The following KCNK12 variants were observed in gnomAD, a reference collection of about 807,000 sequenced individuals.
KCNK12 encodes potassium two pore domain channel subfamily K member 12, also known as potassium channel subfamily K member 12.
Under a neutral mutation model 25.3 loss-of-function variants are expected in KCNK12, and 6 were observed. The ratio of observed to expected loss-of-function variants is 0.24; its 90% confidence interval spans 0.13 to 0.47. The LOEUF is 0.47. Ranked by LOEUF, KCNK12 falls within the 20% of genes least tolerant of loss-of-function variation. The probability of loss-of-function intolerance (pLI) is 0.99; values close to 1 mark genes in which losing one functional copy is unlikely to be tolerated. For synonymous variants in KCNK12, 331 were observed against 311.1 expected (o/e 1.06, Z -0.67); for missense variants, 444 against 661.7 (o/e 0.67, Z 3.61).
rs1311522644 is a variant in KCNK12, at chr2:47,514,431, G to C, written c.*6476C>G. On this transcript the variant is annotated 3_prime_UTR_variant, in exon 2 of 2. Coordinates refer to ENST00000327876, the MANE Select transcript of KCNK12 (RefSeq NM_022055.2). The surrounding 1 kb of genome is among the most constrained non-coding windows in gnomAD (Gnocchi z 5.0). Reference sequence around the variant, plus strand: ...TGTCTCTCCAGCCCCTAACACAGGGGATGCCTGACCCCAAACTAGACGAGT... The same window carrying C: ...TGTCTCTCCAGCCCCTAACACAGGGCATGCCTGACCCCAAACTAGACGAGT... Among the ~76,000 whole-genome samples the C allele has an allele frequency of 1.3e-5, 2 of 152,198 alleles. No individual in the cohort carries two copies. Among genetic ancestry groups the C allele is most frequent in the African/African-American group, 4.8e-5 (2 of 41,444 alleles).
Position 47,521,702 on chromosome 2 carries a change from C to T in KCNK12, c.498G>A (p.Glu166=). Residue 166 remains glutamate, a synonymous_variant, in exon 2 of 2, where the codon GAG becomes GAA. Coordinates refer to ENST00000327876, the MANE Select transcript of KCNK12 (RefSeq NM_022055.2). ...TGAAGGCCAGCAGCGAGATGATGCG[C>T]TCCAGGAAGAGGTTGAAGAACAGGA... is the stretch of plus-strand genomic sequence containing the variant. ...GTILFFNLFL[E]RIISLLAFIM... 2 of 1,602,448 alleles carry T rather than the reference C, an allele frequency of 1.2e-6. No individual in the cohort carries two copies. The highest frequency in any genetic ancestry group is 8.5e-7 in the Non-Finnish European group (1 of 1,176,106).
In KCNK12 at chr2:47,512,687, A is replaced by G. The variant is rs1668433288; in HGVS notation, c.*8220T>C. ...CCACTGCCTCTGAACTCTGCTCTGC[A>G]TTGCTGAGCAAACTACATTTCCCAG... On this transcript the variant is annotated 3_prime_UTR_variant, in exon 2 of 2. Coordinates refer to ENST00000327876, the MANE Select transcript of KCNK12 (RefSeq NM_022055.2). 4.9e-6 allele frequency: 2 copies of G among 404,400 alleles called. No individual in the cohort carries two copies. The allele number at this position is 404,400 out of a possible 1,614,324, so 25.1% of individuals were successfully genotyped here.
chr2:47,563,336 A>G (rs191974999), intron 1 of KCNK12: 764 of 233,464 alleles, frequency 3.3e-3, no homozygotes, highest in Non-Finnish European at 5.5e-3. Flanking sequence ...CTACTTGTCT[A>G]TGTGAGCAGT....
At position 47,518,034 on chromosome 2, in the gene KCNK12, G is replaced by C. The variant is rs1668565347; in HGVS notation, c.*2873C>G. The C allele has an allele frequency of 6.6e-6, 1 of 152,194 alleles. No individual in the cohort carries two copies. Among genetic ancestry groups the C allele is most frequent in the Non-Finnish European group, 1.5e-5 (1 of 68,048 alleles). The allele number at this position is 152,194 out of a possible 1,614,324, so 9.4% of individuals were successfully genotyped here. On this transcript the variant is annotated 3_prime_UTR_variant, in exon 2 of 2. Coordinates refer to ENST00000327876, the MANE Select transcript of KCNK12 (RefSeq NM_022055.2). This position sits in a 1 kb window ranked among gnomAD's most constrained non-coding sequence, Gnocchi z 4.1. Reference sequence around the variant, plus strand: ...CAGTGAGAGAGGCCACAGCATCTGAGGGAATGGAGCTCTTTCTTGGCCTGA... The same window carrying C: ...CAGTGAGAGAGGCCACAGCATCTGACGGAATGGAGCTCTTTCTTGGCCTGA...
At position 47,516,861 on chromosome 2, in the gene KCNK12, G is replaced by A. The variant is rs957493256; in HGVS notation, c.*4046C>T. 1 of 152,168 alleles carries A rather than the reference G, an allele frequency of 6.6e-6. No homozygotes were observed. Among genetic ancestry groups the A allele is most frequent in the Non-Finnish European group, 1.5e-5 (1 of 68,076 alleles). 9.4% of individuals were successfully genotyped at this position (152,168 alleles called of 1,614,324 possible). A position where few individuals can be genotyped will look rare whatever the true frequency, so the allele number is the denominator to read the frequency against. On this transcript the variant is annotated 3_prime_UTR_variant, in exon 2 of 2. Transcript: ENST00000327876. The stretch of plus-strand genomic sequence containing the variant: ...TGGAAGGTGTAGCAATTGTGCTCTG[G>A]GGTGCCTGAAAGTGCCAGAGCTGCT...
At position 47,519,480 on chromosome 2, in the gene KCNK12, T is replaced by C. The variant is rs1012089524; in HGVS notation, c.*1427A>G. ...CTGGCACCTGTCCTTGCCCTCATCA[T>C]ATATGAGAAAAATGGGCAGAGAGAG... On this transcript the variant is annotated 3_prime_UTR_variant, in exon 2 of 2. Coordinates refer to ENST00000327876, the MANE Select transcript of KCNK12 (RefSeq NM_022055.2). The C allele has an allele frequency of 2.0e-5, 3 of 152,166 alleles. No individual in the cohort carries two copies. Among genetic ancestry groups the C allele is most frequent in the Non-Finnish European group, 4.4e-5 (3 of 68,022 alleles). 9.4% of individuals were successfully genotyped at this position (152,166 alleles called of 1,614,324 possible).
chr2:47,562,389 G>A lies in KCNK12; in HGVS notation c.391+7552C>T. ...CCTCTGGGATCTGGAGGAAGCAGATGGAGGAGAAACCCCAGGGCTCAATTT... is the reference window on the plus strand; with the variant it reads ...CCTCTGGGATCTGGAGGAAGCAGATAGAGGAGAAACCCCAGGGCTCAATTT... On this transcript the variant is annotated intron_variant, in intron 1 of 1. Coordinates refer to ENST00000327876, the MANE Select transcript of KCNK12 (RefSeq NM_022055.2). The surrounding 1 kb of genome is among the most constrained non-coding windows in gnomAD (Gnocchi z 4.8). 1 of 338,698 alleles carries A rather than the reference G, an allele frequency of 3.0e-6. No homozygotes were observed. Among genetic ancestry groups the A allele is most frequent in the Non-Finnish European group, 5.3e-6 (1 of 188,268 alleles). 21.0% of individuals were successfully genotyped at this position (338,698 alleles called of 1,614,324 possible).
Position 47,547,518 on chromosome 2 carries a change from A to C in KCNK12, c.391+22423T>G, listed in dbSNP as rs898110127. On this transcript the variant is annotated intron_variant, in intron 1 of 1. Coordinates refer to ENST00000327876, the MANE Select transcript of KCNK12 (RefSeq NM_022055.2). The surrounding 1 kb of genome is among the most constrained non-coding windows in gnomAD (Gnocchi z 5.0). Reference sequence around the variant, plus strand: ...CAATGGCACGATCATAGCTCACTGCATCCTTGAATTCCTGGCCTCAAGTGA... The same window carrying C: ...CAATGGCACGATCATAGCTCACTGCCTCCTTGAATTCCTGGCCTCAAGTGA... 3.3e-5 allele frequency among the ~76,000 whole-genome samples: 5 copies of C among 152,120 alleles called. No individual in the cohort carries two copies. Among genetic ancestry groups the C allele is most frequent in the African/African-American group, 1.2e-4 (5 of 41,420 alleles).
intron 1 of KCNK12, among the ~76,000 whole-genome samples, chr2:47,534,715 G>A (rs368440965): frequency 2.6e-5 from 4 of 152,034 alleles, no homozygotes; most frequent in African/African-American, 7.3e-5. Context: ...ACCTCAGGGC[G>A]CTCATGTGGG....
chr2:47,554,488 C>G (rs565516248), intron 1 of KCNK12, among the ~76,000 whole-genome samples: 2 of 152,272 alleles, frequency 1.3e-5, no homozygotes, highest in East Asian at 1.9e-4. Flanking sequence ...CAGAGCAGTG[C>G]GCCAGGCAGC....
chr2:47,557,300 G>A lies in KCNK12; in HGVS notation c.391+12641C>T, dbSNP rs1669570028. 6.6e-6 allele frequency among the ~76,000 whole-genome samples: 1 copy of A among 152,184 alleles called. No homozygotes were observed. The highest frequency in any genetic ancestry group is 1.5e-5 in the Non-Finnish European group (1 of 68,036). ...GAGTGGGCTCCTGATAAAAGGATGAGTTTGGGCTGATTCTGTCCTGCACTT... is the reference window on the plus strand; with the variant it reads ...GAGTGGGCTCCTGATAAAAGGATGAATTTGGGCTGATTCTGTCCTGCACTT... On this transcript the variant is annotated intron_variant, in intron 1 of 1. Transcript: ENST00000327876. This position sits in a 1 kb window ranked among gnomAD's most constrained non-coding sequence, Gnocchi z 4.9.
intron 1 of KCNK12, among the ~76,000 whole-genome samples, chr2:47,550,439 G>A (rs368683687): frequency 5.4e-4 from 76 of 141,522 alleles, no homozygotes; most frequent in African/African-American, 1.9e-3. Context: ...CTGGAGTGCA[G>A]TGGCATGATC....
chr2:47,523,671 C>T (rs566768908), intron 1 of KCNK12, among the ~76,000 whole-genome samples: 106 of 152,196 alleles, frequency 7.0e-4, no homozygotes, highest in African/African-American at 2.5e-3. Context: ...TCTGTGGGAC[C>T]CGTGGTTGCC....
chr2:47,515,186 G>T lies in KCNK12; in HGVS notation c.*5721C>A, dbSNP rs888165290. Among the ~76,000 whole-genome samples, 5 of 152,132 alleles carry T rather than the reference G, an allele frequency of 3.3e-5. No individual in the cohort carries two copies. Among genetic ancestry groups the T allele is most frequent in the African/African-American group, 9.7e-5 (4 of 41,408 alleles). On this transcript the variant is annotated 3_prime_UTR_variant, in exon 2 of 2. Coordinates refer to ENST00000327876, the MANE Select transcript of KCNK12 (RefSeq NM_022055.2). The stretch of plus-strand genomic sequence containing the variant: ...GGGTGACGAGAAATCAGGCCTCTCC[G>T]CCACGGCAGCCTAGCTAATGGGTCT...
intron 1 of KCNK12, among the ~76,000 whole-genome samples, chr2:47,524,970 A>G (rs565365440): frequency 7.2e-5 from 11 of 152,210 alleles, no homozygotes; most frequent in South Asian, 2.1e-4. Context: ...AGTCTCTTAT[A>G]GAAGGATAAC....
At chr2:47,539,456 T>C (rs569108428) in intron 1 of KCNK12, among the ~76,000 whole-genome samples, 18 of 152,084 alleles carry the variant, frequency 1.2e-4, no homozygotes, top group Non-Finnish European at 2.4e-4. Flanking sequence ...TCAGAGGCTG[T>C]GGATCAAACA....
In KCNK12 at chr2:47,555,643, A is replaced by G. The variant is rs1669536733; in HGVS notation, c.391+14298T>C. Among the ~76,000 whole-genome samples the G allele has an allele frequency of 2.6e-5, 4 of 152,202 alleles. No individual in the cohort carries two copies. Among genetic ancestry groups the G allele is most frequent in the African/African-American group, 7.2e-5 (3 of 41,442 alleles). ...CTTTTCTATGAAGGCCTCCATATGT[A>G]TATGCAATAAATCTTTTCTCCTATT... On this transcript the variant is annotated intron_variant, in intron 1 of 1. Coordinates refer to ENST00000327876, the MANE Select transcript of KCNK12 (RefSeq NM_022055.2). This position sits in a 1 kb window ranked among gnomAD's most constrained non-coding sequence, Gnocchi z 4.5.
intron 1 of KCNK12, among the ~76,000 whole-genome samples, chr2:47,532,046 CAAAAA>C (rs907601148): frequency 1.3e-5 from 2 of 151,552 alleles, no homozygotes; most frequent in East Asian, 3.9e-4. Flanking sequence ...GACTCCGTCT[CAAAAA>C]AAACCCCCAA....
intron 1 of KCNK12, among the ~76,000 whole-genome samples, chr2:47,550,822 C>G (rs1236953333): frequency 6.6e-6 from 1 of 152,182 alleles, no homozygotes; most frequent in Admixed American, 6.5e-5. Flanking sequence ...TCACTTCTCA[C>G]TGCCTCCACC....
Sources: gnomAD v4.1 joint callset for allele counts (sites outside exome capture counted in the v4.1 genomes callset) on GRCh38, gnomAD v4.1.1 for gene constraint, Gnocchi (gnomAD v3.1) non-coding constraint, MANE v1.5 for transcripts, NCBI Gene and HGNC (gene_info 2026-07-23, HGNC 2026-07-21) for gene names.